LTBP2: variants seen among roughly 807,000 people sequenced by gnomAD.
The protein encoded by LTBP2 is latent-transforming growth factor beta-binding protein 2.
Under a neutral mutation model 210.6 loss-of-function variants are expected in LTBP2, and 103 were observed. The observed-to-expected ratio is 0.49, with a 90% confidence interval of 0.42 to 0.58. LTBP2 has a LOEUF of 0.58. LTBP2 is among the 20% of genes least tolerant of loss of function. The pLI, the probability that LTBP2 is intolerant of heterozygous loss-of-function variation, is 0.00. For synonymous variants in LTBP2, 1,007 were observed against 1,015.0 expected (o/e 0.99, Z 0.15); for missense variants, 2,313 against 2,494.5 (o/e 0.93, Z 1.55).
chr14:74,611,335 A>T, intron 1 of LTBP2, 116 bp downstream of exon 1: 1 of 1,227,992 alleles, frequency 8.1e-7, no homozygotes, highest in Non-Finnish European at 1.1e-6. Flanking sequence ...CCGAAGTACT[A>T]AAGACAGAGG....
At chr14:74,580,125 C>T (rs1351877042) in intron 3 of LTBP2, among the ~76,000 whole-genome samples, 1 of 151,836 alleles carries the variant, frequency 6.6e-6, no homozygotes, top group Non-Finnish European at 1.5e-5. Context: ...GAGAAAAATG[C>T]CAGGTGGGAG....
At chr14:74,574,996 A>G (rs1372897754) in intron 3 of LTBP2, among the ~76,000 whole-genome samples, 1 of 152,154 alleles carries the variant, frequency 6.6e-6, no homozygotes, top group Non-Finnish European at 1.5e-5. Context: ...TCACCAACCC[A>G]GAGATGTCTG....
At position 74,508,681 on chromosome 14, in the gene LTBP2, C is replaced by G. The variant is rs948397179; in HGVS notation, c.3575G>C (p.Cys1192Ser). Residue 1192 changes from cysteine (C) to serine (S), a missense_variant, in exon 24 of 36, where the codon TGC becomes TCC. By Grantham distance (112) the Cys-to-Ser change is moderately radical. This residue lies in a region of LTBP2 where 1,867 missense variants were observed against 1,976.9 expected (regional missense o/e 0.94). Transcript: ENST00000261978. Reference sequence around the variant, plus strand: ...GAAGAAAGACCCGTGGCTGTTGAGGCACTCGCCGTGGGGTGCGCAGTGCTC... The same window carrying G: ...GAAGAAAGACCCGTGGCTGTTGAGGGACTCGCCGTGGGGTGCGCAGTGCTC... ...GEEHCAPHGE[C>S]LNSHGSFFCL... 4.3e-6 allele frequency: 7 copies of G among 1,613,578 alleles called. No individual in the cohort carries two copies. In the Admixed American group the frequency reaches 1.0e-4, roughly 23 times the overall value.
chr14:74,501,063 C>A, intron 35 of LTBP2, 34 bp from the exon 36 acceptor site: 1 of 1,602,546 alleles, frequency 6.2e-7, no homozygotes, highest in South Asian at 1.1e-5. Flanking sequence ...CTGTAGGGAG[C>A]CCAGGTGCCT....
At position 74,507,959 on chromosome 14, in the gene LTBP2, C is replaced by T. The variant is rs1175627376; in HGVS notation, c.3775+14G>A. On this transcript the variant is annotated intron_variant, in intron 25 of 35. Transcript: ENST00000261978. ...TGTGGGCAGAGCCCTGTGCCCTCCC[C>T]CCAGAGCCCTTACCCACACACTCTC... 4.3e-6 allele frequency: 7 copies of T among 1,612,454 alleles called. No homozygotes were observed. Among genetic ancestry groups the T allele is most frequent in the Admixed American group, 1.7e-5 (1 of 60,004 alleles).
chr14:74,512,502 C>T (rs1054684898), intron 18 of LTBP2, among the ~76,000 whole-genome samples: 4 of 152,182 alleles, frequency 2.6e-5, no homozygotes, highest in African/African-American at 9.7e-5. Context: ...GCTGTCACTG[C>T]TGCTGGACAT....
chr14:74,564,171 ATATTTATATATATATTTATATATATATT>A, intron 3 of LTBP2, among the ~76,000 whole-genome samples: 1 of 49,264 alleles, frequency 2.0e-5, no homozygotes, highest in African/African-American at 8.4e-5. Context: ...ATTTATATAT[ATATTTATATATATATTTATATATATATT>A]TATATATATT....
chr14:74,603,246 G>C (rs2088473627), intron 2 of LTBP2, among the ~76,000 whole-genome samples: 2 of 152,104 alleles, frequency 1.3e-5, no homozygotes, highest in Admixed American at 1.3e-4. Flanking sequence ...TCCTACCTCA[G>C]CCTCCCGAGT....
intron 3 of LTBP2, among the ~76,000 whole-genome samples, chr14:74,572,736 C>T (rs530835227): frequency 2.6e-5 from 4 of 152,244 alleles, no homozygotes; most frequent in East Asian, 1.9e-4. Context: ...CTTCCACCCA[C>T]GCCCCGCCAC....
At chr14:74,526,883 G>A (rs767999603) in intron 13 of LTBP2, among the ~76,000 whole-genome samples, 1 of 152,128 alleles carries the variant, frequency 6.6e-6, no homozygotes, top group Non-Finnish European at 1.5e-5. Context: ...ACCTTTCTCC[G>A]TGAGGTGGTT....
At chr14:74,574,142 A>T (rs534227114) in intron 3 of LTBP2, among the ~76,000 whole-genome samples, 1 of 152,288 alleles carries the variant, frequency 6.6e-6, no homozygotes, top group Admixed American at 6.5e-5. Flanking sequence ...CTTTAGCATA[A>T]CCCTAACCCA....
chr14:74,561,139 T>C (rs2087788350), intron 3 of LTBP2, among the ~76,000 whole-genome samples: 1 of 152,074 alleles, frequency 6.6e-6, no homozygotes. Flanking sequence ...GCCAACATGG[T>C]GAAACCTGTC....
intron 2 of LTBP2, among the ~76,000 whole-genome samples, chr14:74,597,385 A>C (rs1433223934): frequency 1.3e-5 from 2 of 152,206 alleles, no homozygotes; most frequent in Non-Finnish European, 2.9e-5. Flanking sequence ...TTAAGACGTC[A>C]GGTAGAGAGG....
intron 8 of LTBP2, among the ~76,000 whole-genome samples, chr14:74,537,987 T>C (rs557796292): frequency 6.6e-6 from 1 of 152,350 alleles, no homozygotes; most frequent in Non-Finnish European, 1.5e-5. Context: ...ACTCCTGACC[T>C]CAGGTGATCC....
At chr14:74,518,974 G>A (rs1338312466) in intron 17 of LTBP2, among the ~76,000 whole-genome samples, 2 of 152,212 alleles carry the variant, frequency 1.3e-5, no homozygotes, top group African/African-American at 4.8e-5. Flanking sequence ...CTGATAGATG[G>A]TGCTGGAAAA....
At chr14:74,527,055 A>C (rs1186626202) in intron 13 of LTBP2, among the ~76,000 whole-genome samples, 4 of 152,214 alleles carry the variant, frequency 2.6e-5, no homozygotes, top group African/African-American at 9.7e-5. Context: ...GCCAGGCCTA[A>C]CAGGACATGT....
At chr14:74,608,663 T>C (rs1430188283) in intron 1 of LTBP2, among the ~76,000 whole-genome samples, 2 of 132,756 alleles carry the variant, frequency 1.5e-5, no homozygotes, top group African/African-American at 5.7e-5. Flanking sequence ...TGAACCGAAA[T>C]AATGTCACTC....
rs1412262079 is a variant in LTBP2 at position 74,505,005 on chromosome 14, G to A, written c.4347C>T (p.Asp1449=). 2 of 1,614,202 alleles carry A rather than the reference G, an allele frequency of 1.2e-6. No homozygotes were observed. The highest frequency in any genetic ancestry group is 1.3e-5 in the African/African-American group (1 of 75,038). Residue 1449 remains aspartate (D), a synonymous_variant, in exon 29 of 36, where the codon GAC becomes GAT. Coordinates refer to ENST00000261978, the MANE Select transcript of LTBP2 (RefSeq NM_000428.3). The stretch of plus-strand genomic sequence containing the variant: ...TACCTGAGTCCTCAGACGGGCAGAG[G>A]TCACAGGCATCTCCCCAGCTAGCGC... ...TQGASWGDAC[D]LCPSEDSAEF... is the part of the protein sequence containing the mutation.
At chr14:74,600,349 G>A (rs921245913) in intron 2 of LTBP2, among the ~76,000 whole-genome samples, 9 of 152,186 alleles carry the variant, frequency 5.9e-5, no homozygotes, top group Admixed American at 3.9e-4. Context: ...GTGGGTGACC[G>A]GGGGCAGCAG....
Sources: allele counts gnomAD v4.1 joint callset (sites outside exome capture counted in the v4.1 genomes callset), GRCh38; gene constraint gnomAD v4.1.1; regional missense constraint gnomAD v4.1.1; transcripts MANE v1.5; gene names NCBI Gene and HGNC (gene_info 2026-07-23, HGNC 2026-07-21).